The following MACROD2 variants were observed in gnomAD, a reference collection of about 807,000 sequenced individuals.
MACROD2 encodes the protein ADP-ribose glycohydrolase MACROD2.
MACROD2 carries 36 observed loss-of-function variants against 70.4 expected under a neutral mutation model. That is an observed-to-expected ratio of 0.51 (90% confidence interval 0.39 to 0.68). The LOEUF is 0.68. MACROD2 is among the 30% of genes least tolerant of loss of function. MACROD2 has a pLI of 0.00. For missense variants in MACROD2, 496 were observed against 538.4 expected (o/e 0.92, Z 0.78); for synonymous variants, 172 against 178.8 (o/e 0.96, Z 0.30).
At chr20:14,937,770 C>A (rs112503186) in intron 5 of MACROD2, among the ~76,000 whole-genome samples, 3 of 152,000 alleles carry the variant, frequency 2.0e-5, no homozygotes, top group Admixed American at 2.0e-4. Flanking sequence ...CTATGAAACA[C>A]AAGGTCTTAT....
chr20:13,995,578 C>T lies in MACROD2; in HGVS notation c.-186C>T, dbSNP rs1012961380. On this transcript the variant is annotated 5_prime_UTR_variant, in exon 1 of 18. Transcript: ENST00000684519. The surrounding 1 kb of genome is among the most constrained non-coding windows in gnomAD (Gnocchi z 4.3). ...GGCTGAGGCGGGTGGGAGCCGGAGC[C>T]GAGCGCGGGCTGAGGGAGGAGGGCG... is the stretch of plus-strand genomic sequence containing the variant. 1.5e-6 allele frequency: 1 copy of T among 674,362 alleles called. No individual in the cohort carries two copies. Among genetic ancestry groups the T allele is most frequent in the Non-Finnish European group, 2.7e-6 (1 of 367,944 alleles). 41.8% of individuals were successfully genotyped at this position (674,362 alleles called of 1,614,324 possible).
chr20:15,689,054 A>G (rs1404850713), intron 8 of MACROD2, among the ~76,000 whole-genome samples: 1 of 152,262 alleles, frequency 6.6e-6, no homozygotes, highest in Non-Finnish European at 1.5e-5. Flanking sequence ...CTGTAATCCC[A>G]GCACTTTCGG....
intron 13 of MACROD2, among the ~76,000 whole-genome samples, chr20:15,968,620 AAT>A (rs2066177926): frequency 6.6e-6 from 1 of 151,880 alleles, no homozygotes; most frequent in Non-Finnish European, 1.5e-5. Context: ...GTCTTACCTA[AAT>A]ATATGTCTTT....
rs2123105823 is a variant in MACROD2 at position 14,493,483 on chromosome 20, T to C, written c.276T>C (p.Asn92=). 2 of 1,609,014 alleles carry C rather than the reference T, an allele frequency of 1.2e-6. No individual in the cohort carries two copies. The highest frequency in any genetic ancestry group is 1.3e-5 in the African/African-American group (1 of 74,934). The change falls in exon 4 of 18, where the codon AAT becomes AAC. Residue 92 remains asparagine (N), a synonymous_variant. Transcript: ENST00000684519. ...GTTGTGTTTTGTTTTAAACAGCAAATGCCAGTCTTCTTGGAGGAGGAGGTG... is the reference window on the plus strand; with the variant it reads ...GTTGTGTTTTGTTTTAAACAGCAAACGCCAGTCTTCTTGGAGGAGGAGGTG... ...LEVDAIVNAA[N]ASLLGGGGVD...
intron 3 of MACROD2, among the ~76,000 whole-genome samples, chr20:14,227,283 G>A (rs2081747607): frequency 6.6e-6 from 1 of 152,170 alleles, no homozygotes; most frequent in African/African-American, 2.4e-5. Flanking sequence ...GCCGGAGCCA[G>A]CAGTGGCAAC....
chr20:14,149,323 A>C (rs1045670524), intron 3 of MACROD2, among the ~76,000 whole-genome samples: 1 of 152,120 alleles, frequency 6.6e-6, no homozygotes, highest in African/African-American at 2.4e-5. Context: ...GCTTCAAAGA[A>C]CGTGATTTCA....
chr20:15,375,003 A>C (rs1028707047), intron 6 of MACROD2, among the ~76,000 whole-genome samples: 7 of 152,178 alleles, frequency 4.6e-5, no homozygotes, highest in African/African-American at 1.4e-4. Flanking sequence ...TTTGTTCAGA[A>C]AATGGGCCGG....
At chr20:15,620,551 C>T (rs532849915) in intron 8 of MACROD2, among the ~76,000 whole-genome samples, 1 of 152,262 alleles carries the variant, frequency 6.6e-6, no homozygotes, top group South Asian at 2.1e-4. Context: ...GAAGAACACA[C>T]CTGTGCAATG....
At chr20:14,746,287 C>T (rs2071798710) in intron 5 of MACROD2, among the ~76,000 whole-genome samples, 1 of 152,128 alleles carries the variant, frequency 6.6e-6, no homozygotes, top group South Asian at 2.1e-4. Context: ...CTCATGTTTG[C>T]AGGCAAATAT....
intron 5 of MACROD2, among the ~76,000 whole-genome samples, chr20:15,046,522 C>T (rs2075396022): frequency 1.3e-5 from 2 of 152,182 alleles, no homozygotes; most frequent in Non-Finnish European, 2.9e-5. Flanking sequence ...TGTGTTTTTG[C>T]ACATGTGTAC....
chr20:15,412,139 G>A (rs1459378335), intron 6 of MACROD2, among the ~76,000 whole-genome samples: 5 of 152,180 alleles, frequency 3.3e-5, no homozygotes, highest in African/African-American at 1.2e-4. Flanking sequence ...TCCAAAAGGT[G>A]CAAGTGCTGT....
intron 2 of MACROD2, among the ~76,000 whole-genome samples, chr20:14,042,215 C>T (rs1186170976): frequency 6.6e-6 from 1 of 151,946 alleles, no homozygotes; most frequent in Non-Finnish European, 1.5e-5. Flanking sequence ...TTGTAGAATC[C>T]AGAGTACTAA....
At chr20:14,665,339 T>A (rs1025273160) in intron 4 of MACROD2, among the ~76,000 whole-genome samples, 1 of 152,034 alleles carries the variant, frequency 6.6e-6, no homozygotes, top group African/African-American at 2.4e-5. Flanking sequence ...ACAGTTTTTT[T>A]TTTTTAACTG....
At chr20:14,577,554 G>A (rs2033314255) in intron 4 of MACROD2, among the ~76,000 whole-genome samples, 1 of 152,214 alleles carries the variant, frequency 6.6e-6, no homozygotes, top group East Asian at 1.9e-4. Context: ...TGAGGTGGGA[G>A]CGATTGTTTG....
Position 14,782,933 on chromosome 20 carries a change from G to A in MACROD2, c.418+97974G>A, listed in dbSNP as rs531086962. On this transcript the variant is annotated intron_variant, in intron 5 of 17. Coordinates refer to ENST00000684519, the MANE Select transcript of MACROD2 (RefSeq NM_001351661.2). ...AATTTACAAGACAAGGCACAGCAGT[G>A]CATACACAGGCTGAGGGGCAAACAA... Among the ~76,000 whole-genome samples, 12 of 152,230 alleles carry A rather than the reference G, an allele frequency of 7.9e-5. No homozygotes were observed. The South Asian group carries it at 8.3e-4, about 11-fold the overall frequency.
At chr20:15,627,631 G>A (rs2049224976) in intron 8 of MACROD2, among the ~76,000 whole-genome samples, 1 of 152,118 alleles carries the variant, frequency 6.6e-6, no homozygotes, top group African/African-American at 2.4e-5. Context: ...AGAAGCAAGA[G>A]CAAGGTTGGT....
intron 6 of MACROD2, among the ~76,000 whole-genome samples, chr20:15,239,040 G>A (rs1029156994): frequency 6.6e-6 from 1 of 152,140 alleles, no homozygotes; most frequent in Non-Finnish European, 1.5e-5. Context: ...TGAGGAAATA[G>A]TCAATTGAAG....
intron 5 of MACROD2, among the ~76,000 whole-genome samples, chr20:15,091,672 T>C (rs777826782): frequency 6.6e-6 from 1 of 152,130 alleles, no homozygotes; most frequent in Non-Finnish European, 1.5e-5. Context: ...TTTTTGAAAA[T>C]AGGTGGTCTT....
chr20:15,916,788 C>T (rs187356889), intron 10 of MACROD2, among the ~76,000 whole-genome samples: 9 of 152,330 alleles, frequency 5.9e-5, no homozygotes, highest in African/African-American at 2.2e-4. Flanking sequence ...GTTATCTTAA[C>T]AGAGGATCAA....
Sources: gnomAD v4.1 joint callset for allele counts (sites outside exome capture counted in the v4.1 genomes callset) on GRCh38, gnomAD v4.1.1 for gene constraint, Gnocchi (gnomAD v3.1) non-coding constraint, MANE v1.5 for transcripts, NCBI Gene and HGNC (gene_info 2026-07-23, HGNC 2026-07-21) for gene names.